The following DLGAP2 variants were observed in gnomAD, a reference collection of about 807,000 sequenced individuals.
DLGAP2 encodes disks large-associated protein 2.
DLGAP2 carries 26 observed loss-of-function variants against 100.3 expected under a neutral mutation model. The observed-to-expected ratio is 0.26, with a 90% CI of 0.19 to 0.36. The LOEUF (loss-of-function observed/expected upper bound fraction) is 0.36, where lower values mean the gene tolerates loss of function less well. DLGAP2 is among the 10% of genes least tolerant of loss of function. The pLI, the probability that DLGAP2 is intolerant of heterozygous loss-of-function variation, is 1.00. For missense variants in DLGAP2, 1,858 were observed against 1,453.2 expected, an observed-to-expected ratio of 1.28 and a Z score of -4.53; for synonymous variants, 886 against 630.1, an observed-to-expected ratio of 1.41 and a Z score of -6.08.
intron 6 of DLGAP2, among the ~76,000 whole-genome samples, chr8:1,602,780 C>T (rs943594256): frequency 5.9e-5 from 9 of 152,226 alleles, no homozygotes; most frequent in Admixed American, 2.6e-4. Context: ...TCCCCAATGT[C>T]GTGGGCATGG....
chr8:1,538,149 C>T lies in DLGAP2; in HGVS notation c.173-10477C>T, dbSNP rs192651663. 2.0e-5 allele frequency among the ~76,000 whole-genome samples: 3 copies of T among 152,312 alleles called. No individual in the cohort carries two copies. The East Asian group carries it at 5.8e-4, about 29-fold the overall frequency. ...TGTCCCATGCAGCATGGCCTCAGTC[C>T]TCCCTGCATTCCCTGCCTTTTCTTC... On this transcript the variant is annotated intron_variant, in intron 4 of 14. Coordinates refer to ENST00000637795, the MANE Select transcript of DLGAP2 (RefSeq NM_001346810.2).
chr8:1,386,129 G>A (rs1168214974), intron 3 of DLGAP2, among the ~76,000 whole-genome samples: 3 of 152,202 alleles, frequency 2.0e-5, no homozygotes, highest in African/African-American at 7.2e-5. Context: ...TGGAAAATAA[G>A]AGTAAAAAGA....
chr8:1,042,579 C>T (rs1024016067), intron 2 of DLGAP2, among the ~76,000 whole-genome samples: 4 of 152,186 alleles, frequency 2.6e-5, no homozygotes, highest in African/African-American at 9.7e-5. Context: ...ATGCATTCAG[C>T]ATGTGAGGTC....
chr8:786,458 G>A (rs1028230227), intron 1 of DLGAP2, among the ~76,000 whole-genome samples: 1 of 152,144 alleles, frequency 6.6e-6, no homozygotes, highest in African/African-American at 2.4e-5. Context: ...CTTAGAAACG[G>A]CAGCAAGTTT....
chr8:1,377,115 G>A (rs767537387), intron 3 of DLGAP2, among the ~76,000 whole-genome samples: 14 of 152,332 alleles, frequency 9.2e-5, no homozygotes, highest in African/African-American at 2.2e-4. Flanking sequence ...AGGCGTGTGC[G>A]TCCCAGCGAG....
intron 3 of DLGAP2, among the ~76,000 whole-genome samples, chr8:1,319,026 G>C (rs961107339): frequency 1.4e-5 from 2 of 147,958 alleles, no homozygotes; most frequent in South Asian, 2.2e-4. Context: ...ATCAGTGCGA[G>C]CTCGGTGGCG....
intron 2 of DLGAP2, among the ~76,000 whole-genome samples, chr8:920,249 G>A (rs542606181): frequency 6.6e-6 from 1 of 152,324 alleles, no homozygotes; most frequent in Admixed American, 6.5e-5. Context: ...CCCCTGCCTG[G>A]CACTTACCCA....
chr8:891,844 C>T (rs755837230), intron 1 of DLGAP2, among the ~76,000 whole-genome samples: 3 of 152,116 alleles, frequency 2.0e-5, no homozygotes, highest in Admixed American at 6.5e-5. Context: ...CCCAGCCAGC[C>T]GAGGAGGGGG....
intron 1 of DLGAP2, among the ~76,000 whole-genome samples, chr8:882,444 CTCTCCCTG>C: frequency 7.7e-6 from 1 of 129,210 alleles, no homozygotes; most frequent in Admixed American, 7.8e-5. Context: ...CCAGCGGTAC[CTCTCCCTG>C]CGGAGGCCTC....
chr8:1,036,715 C>T (rs1000972041), intron 2 of DLGAP2, among the ~76,000 whole-genome samples: 1 of 152,100 alleles, frequency 6.6e-6, no homozygotes, highest in African/African-American at 2.4e-5. Flanking sequence ...CTGGCTCCGG[C>T]TCAGAACAGC....
At chr8:817,191 T>C (rs1236625437) in intron 1 of DLGAP2, among the ~76,000 whole-genome samples, 5 of 151,336 alleles carry the variant, frequency 3.3e-5, no homozygotes, top group Non-Finnish European at 5.9e-5. Flanking sequence ...TTTGATGGGC[T>C]GGGTTAATTT....
intron 1 of DLGAP2, among the ~76,000 whole-genome samples, chr8:854,392 T>C (rs1445492119): frequency 6.6e-6 from 1 of 152,096 alleles, no homozygotes; most frequent in Non-Finnish European, 1.5e-5. Context: ...TTTGTGTGGC[T>C]ATAACACAAT....
At chr8:896,783 G>A (rs1798150993) in intron 1 of DLGAP2, among the ~76,000 whole-genome samples, 2 of 152,158 alleles carry the variant, frequency 1.3e-5, no homozygotes, top group Admixed American at 1.3e-4. Flanking sequence ...TGTGAGAAAT[G>A]AATTCTGCTG....
intron 3 of DLGAP2, among the ~76,000 whole-genome samples, chr8:1,289,101 C>T (rs933062833): frequency 6.6e-6 from 1 of 152,174 alleles, no homozygotes; most frequent in Non-Finnish European, 1.5e-5. Context: ...TGATGTACTC[C>T]ATGAAGGCCC....
chr8:1,604,693 T>G (rs1024023119), intron 6 of DLGAP2: 27 of 152,130 alleles, frequency 1.8e-4, no homozygotes, highest in Admixed American at 1.4e-3. Context: ...TGATCCAGAT[T>G]GGGATTTGCA....
intron 3 of DLGAP2, among the ~76,000 whole-genome samples, chr8:1,426,369 G>A (rs979977834): frequency 1.6e-4 from 25 of 152,178 alleles, no homozygotes; most frequent in African/African-American, 5.1e-4. Context: ...AGTTGCCCAC[G>A]AGAACATGGC....
intron 8 of DLGAP2, among the ~76,000 whole-genome samples, chr8:1,634,577 A>C (rs1041638750): frequency 6.6e-6 from 1 of 152,234 alleles, no homozygotes; most frequent in Non-Finnish European, 1.5e-5. Flanking sequence ...ACATTGAACA[A>C]ATTAGAATCA....
chr8:1,240,043 C>A (rs1176246736), intron 2 of DLGAP2, among the ~76,000 whole-genome samples: 1 of 151,542 alleles, frequency 6.6e-6, no homozygotes, highest in South Asian at 2.1e-4. Flanking sequence ...GTGTCTAGTT[C>A]TCTCACATGG....
At chr8:856,171 A>ATCTTCTTCTTCTTCTTCT (rs55832882) in intron 1 of DLGAP2, among the ~76,000 whole-genome samples, 16 of 126,590 alleles carry the variant, frequency 1.3e-4, no homozygotes, top group African/African-American at 2.8e-4. Flanking sequence ...TAGTGGAAAA[A>ATCTTCTTCTTCTTCTTCT]TCTTCTTCTT....
Sources: gnomAD v4.1 joint callset for allele counts (sites outside exome capture counted in the v4.1 genomes callset) on GRCh38, gnomAD v4.1.1 for gene constraint, MANE v1.5 for transcripts, NCBI Gene and HGNC (gene_info 2026-07-23, HGNC 2026-07-21) for gene names.